NALCN: variants seen among roughly 807,000 people sequenced by gnomAD.
NALCN encodes sodium leak channel NALCN.
A neutral mutation model predicts 225.3 loss-of-function variants in NALCN; 111 were observed. That is an observed-to-expected ratio of 0.49 (90% CI 0.42 to 0.58). The LOEUF is 0.58. Ranked by LOEUF, NALCN falls within the 20% of genes least tolerant of loss-of-function variation. The pLI, the probability that NALCN is intolerant of heterozygous loss-of-function variation, is 0.00. For synonymous variants in NALCN, 764 were observed against 769.0 expected (o/e 0.99, Z 0.11); for missense variants, 1,378 against 2,202.4 (o/e 0.63, Z 7.49).
chr13:101,383,327 T>C (rs1198584011), intron 3 of NALCN, among the ~76,000 whole-genome samples: 2 of 152,184 alleles, frequency 1.3e-5, no homozygotes, highest in Admixed American at 6.5e-5. Flanking sequence ...ATTTGGTCTC[T>C]CCAACTTATT....
At chr13:101,241,117 A>C (rs2041743200) in intron 11 of NALCN, among the ~76,000 whole-genome samples, 1 of 152,236 alleles carries the variant, frequency 6.6e-6, no homozygotes, top group Non-Finnish European at 1.5e-5. Flanking sequence ...CCACATGGGC[A>C]CAGGCCTTTT....
intron 10 of NALCN, among the ~76,000 whole-genome samples, chr13:101,260,795 G>C (rs1242088417): frequency 6.6e-6 from 1 of 152,008 alleles, no homozygotes; most frequent in Non-Finnish European, 1.5e-5. Flanking sequence ...GGGGTAGTTT[G>C]CAAATATTTT....
chr13:101,220,340 C>A (rs550770227), intron 13 of NALCN, among the ~76,000 whole-genome samples: 1 of 152,140 alleles, frequency 6.6e-6, no homozygotes, highest in Non-Finnish European at 1.5e-5. Context: ...CAGGGATGTG[C>A]GTCTGACGAC....
intron 14 of NALCN, chr13:101,180,223 T>TTTTTTTTG (rs1328259020): frequency 6.7e-6 from 1 of 150,232 alleles, no homozygotes; most frequent in Non-Finnish European, 1.5e-5. Context: ...TTTTTTTTTT[T>TTTTTTTTG]TGAGACAGGG....
chr13:101,254,677 G>A (rs2042167818), intron 11 of NALCN, among the ~76,000 whole-genome samples: 1 of 73,446 alleles, frequency 1.4e-5, no homozygotes, highest in Non-Finnish European at 3.8e-5. Context: ...GGATCACGAG[G>A]TCAGGAGATC....
At chr13:101,317,516 G>T (rs956059180) in intron 7 of NALCN, among the ~76,000 whole-genome samples, 1 of 152,180 alleles carries the variant, frequency 6.6e-6, no homozygotes, top group African/African-American at 2.4e-5. Context: ...AACCATAGGG[G>T]ATCCCTGATT....
At chr13:101,191,888 T>C (rs2039695268) in intron 14 of NALCN, 29 bp downstream of exon 14, 2 of 1,578,198 alleles carry the variant, frequency 1.3e-6, no homozygotes, top group East Asian at 2.3e-5. Context: ...AATTCCAAGA[T>C]ATAATTGAAA....
At chr13:101,192,378 C>T (rs1053210001) in intron 13 of NALCN, among the ~76,000 whole-genome samples, 1 of 152,074 alleles carries the variant, frequency 6.6e-6, no homozygotes, top group African/African-American at 2.4e-5. Context: ...AGCAAGCTAT[C>T]TAACATTTTC....
intron 26 of NALCN, among the ~76,000 whole-genome samples, chr13:101,102,795 C>A (rs988639631): frequency 5.9e-5 from 9 of 152,130 alleles, no homozygotes; most frequent in African/African-American, 2.2e-4. Flanking sequence ...GATTAGGAGC[C>A]CAAAAGCATG....
chr13:101,250,209 G>A (rs2042020120), intron 11 of NALCN, among the ~76,000 whole-genome samples: 1 of 151,956 alleles, frequency 6.6e-6, no homozygotes, highest in Admixed American at 6.6e-5. Context: ...CACTAAGGAA[G>A]GTTAGAATAA....
intron 28 of NALCN, among the ~76,000 whole-genome samples, chr13:101,094,355 G>T (rs981791235): frequency 6.6e-6 from 1 of 152,176 alleles, no homozygotes; most frequent in Non-Finnish European, 1.5e-5. Context: ...CTTGGCAGAG[G>T]TGGGAGGCAC....
At chr13:101,324,714 T>C (rs1489781644) in intron 7 of NALCN, among the ~76,000 whole-genome samples, 3 of 152,206 alleles carry the variant, frequency 2.0e-5, no homozygotes, top group Non-Finnish European at 4.4e-5. Context: ...AATCATGTCA[T>C]CTGCAAACAG....
chr13:101,224,008 G>C (rs1732187587), intron 13 of NALCN, among the ~76,000 whole-genome samples: 1 of 152,052 alleles, frequency 6.6e-6, no homozygotes, highest in African/African-American at 2.4e-5. Context: ...CACCTAAATG[G>C]AAAGGACCTT....
At chr13:101,286,351 T>C (rs2043338183) in intron 9 of NALCN, among the ~76,000 whole-genome samples, 2 of 152,166 alleles carry the variant, frequency 1.3e-5, no homozygotes, top group African/African-American at 2.4e-5. Flanking sequence ...ACCATGTAAC[T>C]ACATACAGGA....
At chr13:101,061,928 CG>C in intron 41 of NALCN, 39 bp downstream of exon 41, 1 of 1,063,718 alleles carries the variant, frequency 9.4e-7, no homozygotes, top group Non-Finnish European at 1.3e-6. Flanking sequence ...CAGGGCGGGG[CG>C]GGGCGGGGAC....
intron 14 of NALCN, among the ~76,000 whole-genome samples, chr13:101,191,502 T>C (rs1409581144): frequency 9.9e-5 from 15 of 152,186 alleles, no homozygotes; most frequent in Admixed American, 9.8e-4. Context: ...CTGAGGTCTA[T>C]AGCTTCTGTC....
intron 2 of NALCN, among the ~76,000 whole-genome samples, chr13:101,398,495 G>A (rs1052660824): frequency 6.6e-6 from 1 of 152,136 alleles, no homozygotes; most frequent in East Asian, 1.9e-4. Context: ...GCACACAGTC[G>A]TGCCTGGCCT....
intron 17 of NALCN, among the ~76,000 whole-genome samples, chr13:101,128,135 G>T (rs1488911499): frequency 1.3e-5 from 2 of 152,210 alleles, no homozygotes; most frequent in African/African-American, 4.8e-5. Context: ...GGGGATGAAT[G>T]ATGGAATTAC....
At chr13:101,194,258 A>AT (rs2039801291) in intron 13 of NALCN, among the ~76,000 whole-genome samples, 1 of 152,150 alleles carries the variant, frequency 6.6e-6, no homozygotes, top group Non-Finnish European at 1.5e-5. Context: ...AGAAAAAAAA[A>AT]TCGAATTTCC....
Sources: allele counts gnomAD v4.1 joint callset (sites outside exome capture counted in the v4.1 genomes callset), GRCh38; gene constraint gnomAD v4.1.1; transcripts MANE v1.5; gene names NCBI Gene and HGNC (gene_info 2026-07-23, HGNC 2026-07-21).